Variants in SYN3 observed in about 807,000 individuals in gnomAD.
SYN3 encodes the protein synapsin-3.
SYN3 carries 35 observed loss-of-function variants against 65.8 expected under a neutral mutation model. The ratio of observed to expected loss-of-function variants is 0.53; its 90% CI spans 0.41 to 0.70. SYN3 has a LOEUF of 0.70. SYN3 is among the 30% of genes least tolerant of loss of function. SYN3 has a pLI of 0.00. For synonymous variants in SYN3, 270 were observed against 292.9 expected (o/e 0.92, Z 0.80); for missense variants, 680 against 749.0 (o/e 0.91, Z 1.08).
intron 2 of SYN3, among the ~76,000 whole-genome samples, chr22:32,993,249 GGGGATCCAGGGACCCAACA>G (rs1601861736): frequency 1.3e-5 from 2 of 151,334 alleles, no homozygotes; most frequent in East Asian, 3.9e-4. Context: ...GGAGGGGCCC[GGGGATCCAGGGACCCAACA>G]GCCCCATCTT....
At chr22:32,964,497 A>T (rs2051765707) in intron 3 of SYN3, among the ~76,000 whole-genome samples, 1 of 151,962 alleles carries the variant, frequency 6.6e-6, no homozygotes, top group Non-Finnish European at 1.5e-5. Flanking sequence ...GATCTGAAAA[A>T]TTGCTTTAGG....
At chr22:32,917,734 C>T (rs545414127) in intron 4 of SYN3, among the ~76,000 whole-genome samples, 8 of 152,352 alleles carry the variant, frequency 5.3e-5, no homozygotes, top group East Asian at 1.9e-4. Flanking sequence ...TTTTCTCTGT[C>T]GGACCCGAGC....
chr22:32,859,048 AT>A (rs2048458611), intron 6 of SYN3: 15 of 805,184 alleles, frequency 1.9e-5, no homozygotes, highest in Non-Finnish European at 2.2e-5. Flanking sequence ...TATTTATATT[AT>A]GATCACTGAG....
intron 6 of SYN3, among the ~76,000 whole-genome samples, chr22:32,722,534 T>C (rs910371598): frequency 1.3e-5 from 2 of 152,116 alleles, no homozygotes; most frequent in African/African-American, 4.8e-5. Context: ...AGAGTTCTGT[T>C]TGGGTGGATT....
At chr22:33,054,036 C>G (rs1441188879) in intron 1 of SYN3, among the ~76,000 whole-genome samples, 1 of 152,148 alleles carries the variant, frequency 6.6e-6, no homozygotes, top group Admixed American at 6.5e-5. Flanking sequence ...CGTTTGGACA[C>G]GGGAGAGGGG....
intron 6 of SYN3, among the ~76,000 whole-genome samples, chr22:32,693,184 GA>G (rs1028591868): frequency 1.3e-5 from 2 of 152,104 alleles, no homozygotes; most frequent in African/African-American, 2.4e-5. Flanking sequence ...TAATAAAATA[GA>G]ACGATTATAA....
At position 32,600,284 on chromosome 22, in the gene SYN3, C is replaced by T. The variant is rs563912126; in HGVS notation, c.712-3548G>A. 4.5e-4 allele frequency among the ~76,000 whole-genome samples: 69 copies of T among 152,300 alleles called. 1 individual carries two copies. Among genetic ancestry groups the T allele is most frequent in the African/African-American group, 1.6e-3 (67 of 41,558 alleles). On this transcript the variant is annotated intron_variant, in intron 6 of 13. Coordinates refer to ENST00000358763, the MANE Select transcript of SYN3 (RefSeq NM_003490.4). ...CTACATTCCTCGAATGCGCAATTCA[C>T]GACAGGGTTAGTACTCCTATGAGAA...
intron 6 of SYN3, among the ~76,000 whole-genome samples, chr22:32,616,249 C>A (rs1326580612): frequency 1.3e-5 from 2 of 152,094 alleles, no homozygotes; most frequent in African/African-American, 4.8e-5. Context: ...AGGTGGCGAG[C>A]TGGTCCATGG....
chr22:32,674,416 G>A (rs958839394), intron 6 of SYN3, among the ~76,000 whole-genome samples: 6 of 152,174 alleles, frequency 3.9e-5, no homozygotes, highest in Non-Finnish European at 7.4e-5. Context: ...TGTCATGAGG[G>A]AAGGGGCTTT....
At chr22:32,904,450 G>A (rs1254252577) in intron 4 of SYN3, among the ~76,000 whole-genome samples, 1 of 152,156 alleles carries the variant, frequency 6.6e-6, no homozygotes, top group Non-Finnish European at 1.5e-5. Context: ...TCTGAAGAAG[G>A]TCGTCTGCTG....
chr22:32,601,134 A>G (rs1356276325), intron 6 of SYN3, among the ~76,000 whole-genome samples: 2 of 152,238 alleles, frequency 1.3e-5, no homozygotes, highest in African/African-American at 4.8e-5. Context: ...TAGGTGCTGT[A>G]TCTGTATTTA....
chr22:32,598,268 AGCCATTCTGTG>A (rs1422456860), intron 6 of SYN3, among the ~76,000 whole-genome samples: 2 of 152,196 alleles, frequency 1.3e-5, no homozygotes, highest in South Asian at 2.1e-4. Context: ...TGCATCACAA[AGCCATTCTGTG>A]GCCCTCATCT....
intron 6 of SYN3, among the ~76,000 whole-genome samples, chr22:32,813,761 C>T (rs181631862): frequency 3.3e-5 from 5 of 151,922 alleles, no homozygotes; most frequent in East Asian, 1.9e-4. Context: ...ACCTTGGCCT[C>T]GTTCATGGCT....
At chr22:32,884,113 A>G (rs924669086) in intron 4 of SYN3, among the ~76,000 whole-genome samples, 1 of 152,248 alleles carries the variant, frequency 6.6e-6, no homozygotes, top group African/African-American at 2.4e-5. Flanking sequence ...GCTACCATGT[A>G]AAACAAAGTC....
chr22:32,531,177 A>G (rs1011228239), intron 10 of SYN3, among the ~76,000 whole-genome samples: 19 of 148,174 alleles, frequency 1.3e-4, no homozygotes, highest in Admixed American at 2.7e-4. Flanking sequence ...AAAAAAAAAA[A>G]AGAATGTGAG....
At chr22:32,701,447 G>A (rs2060809286) in intron 6 of SYN3, among the ~76,000 whole-genome samples, 1 of 147,500 alleles carries the variant, frequency 6.8e-6, no homozygotes, top group African/African-American at 2.6e-5. Context: ...GGAGAAAAAT[G>A]AATCAACAGA....
At chr22:32,936,683 T>G (rs1379355446) in intron 3 of SYN3, among the ~76,000 whole-genome samples, 2 of 152,136 alleles carry the variant, frequency 1.3e-5, no homozygotes, top group African/African-American at 4.8e-5. Flanking sequence ...GGTAAAGACC[T>G]TGTCAAATGG....
At position 32,996,542 on chromosome 22, in the gene SYN3, C is replaced by T. The variant is rs549778855; in HGVS notation, c.311+9810G>A. 6.6e-5 allele frequency among the ~76,000 whole-genome samples: 10 copies of T among 152,166 alleles called. No individual in the cohort carries two copies. In the East Asian group the frequency reaches 1.9e-3, roughly 30 times the overall value. ...GAGTGGCTGGGACTTCAAGCCCACGCTACCACCTGTCAGCCTAGAGTTCTC... is the reference window on the plus strand; with the variant it reads ...GAGTGGCTGGGACTTCAAGCCCACGTTACCACCTGTCAGCCTAGAGTTCTC... On this transcript the variant is annotated intron_variant, in intron 2 of 13. Transcript: ENST00000358763.
chr22:32,607,567 C>T (rs1163467816), intron 6 of SYN3, among the ~76,000 whole-genome samples: 1 of 152,142 alleles, frequency 6.6e-6, no homozygotes, highest in East Asian at 1.9e-4. Context: ...GCCTTCTAAT[C>T]CCACCTCTGA....
Sources: allele counts gnomAD v4.1 joint callset (sites outside exome capture counted in the v4.1 genomes callset), GRCh38; gene constraint gnomAD v4.1.1; transcripts MANE v1.5; gene names NCBI Gene and HGNC (gene_info 2026-07-23, HGNC 2026-07-21).